ASH2L: variants seen among roughly 807,000 people sequenced by gnomAD.
ASH2L encodes the protein set1/Ash2 histone methyltransferase complex subunit ASH2.
Under a neutral mutation model 81.1 loss-of-function variants are expected in ASH2L, and 30 were observed. The observed-to-expected ratio is 0.37, with a 90% confidence interval of 0.28 to 0.50. ASH2L has a LOEUF of 0.50. Among genes scored for constraint, ASH2L ranks in the 20% least tolerant of loss-of-function variants. ASH2L has a pLI of 0.95. For missense variants in ASH2L, 559 were observed against 792.1 expected, an observed-to-expected ratio of 0.71 and a Z score of 3.53; for synonymous variants, 273 against 279.9, an observed-to-expected ratio of 0.98 and a Z score of 0.24.
In ASH2L at chr8:38,120,618, T is replaced by TCCCCCCCCCCC. The variant is rs33928804; in HGVS notation, c.948-306_948-296dup. Among the ~76,000 whole-genome samples the TCCCCCCCCCCC allele has an allele frequency of 1.5e-3, 7 of 4,614 alleles. 3 individuals carry two copies. The highest frequency in any genetic ancestry group is 8.7e-3 in the Non-Finnish European group (5 of 574). 3.0% of individuals were successfully genotyped at this position (4,614 alleles called of 152,430 possible). A position where few individuals can be genotyped will look rare whatever the true frequency, so the allele number is the denominator to read the frequency against. On this transcript the variant is annotated intron_variant, in intron 9 of 15. Coordinates refer to ENST00000343823, the MANE Select transcript of ASH2L (RefSeq NM_004674.5). Reference sequence around the variant, plus strand: ...AATCACCCCCATTCCTCTCCTCCCTTCCCCCCCCCCCCCCCCCCGCATAAT... The same window carrying TCCCCCCCCCCC: ...AATCACCCCCATTCCTCTCCTCCCTTCCCCCCCCCCCCCCCCCCCCCCCCCCCCCGCATAAT...
Position 38,136,102 on chromosome 8 carries a change from A to ATT in ASH2L, c.1719+362_1719+363dup, listed in dbSNP as rs772313591. Among the ~76,000 whole-genome samples the ATT allele has an allele frequency of 6.5e-3, 635 of 97,848 alleles. 51 individuals are homozygous for ATT. The highest frequency in any genetic ancestry group is 0.016 in the African/African-American group (383 of 24,454). The allele number at this position is 97,848 out of a possible 152,430, so 64.2% of individuals were successfully genotyped here. On this transcript the variant is annotated intron_variant, in intron 14 of 15. Transcript: ENST00000343823. ...TTATTAGTCATTGTTGCTTACAATG[A>ATT]TTTTTTTTTTTTTTTTTTTTTTTTT...
chr8:38,136,167 G>C (rs1207146811), intron 14 of ASH2L, among the ~76,000 whole-genome samples: 1 of 125,090 alleles, frequency 8.0e-6, no homozygotes, highest in Non-Finnish European at 1.6e-5. Context: ...GCTCACCATA[G>C]CCTTGACCTC....
At chr8:38,138,680 A>C in intron 14 of ASH2L, 136 bp from the exon 15 acceptor site, 1 of 665,220 alleles carries the variant, frequency 1.5e-6, no homozygotes, top group South Asian at 1.9e-5. Flanking sequence ...GTAATATTTA[A>C]TATATATCTT....
chr8:38,136,102 ATTTTTTTTTT>A (rs772313591), intron 14 of ASH2L, among the ~76,000 whole-genome samples: 1 of 97,862 alleles, frequency 1.0e-5, no homozygotes, highest in African/African-American at 4.1e-5. Context: ...GCTTACAATG[ATTTTTTTTTT>A]TTTTTTTTTT....
chr8:38,136,976 C>T (rs558264570), intron 14 of ASH2L, among the ~76,000 whole-genome samples: 35 of 151,550 alleles, frequency 2.3e-4, no homozygotes, highest in Non-Finnish European at 4.9e-4. Flanking sequence ...GCCTATAATC[C>T]CAGCTGTGGG....
chr8:38,121,331 A>ATTTATT lies in ASH2L; in HGVS notation c.1165+187_1165+188insTTTTAT, dbSNP rs1482333991. ...CCTTCCTATAAGCTCCAGCCGTTTT[A>ATTTATT]TTTATATATATATATATATATATAT... On this transcript the variant is annotated intron_variant, in intron 10 of 15. Transcript: ENST00000343823. Among the ~76,000 whole-genome samples the ATTTATT allele has an allele frequency of 2.6e-3, 27 of 10,408 alleles. 1 individual carries two copies. Among genetic ancestry groups the ATTTATT allele is most frequent in the African/African-American group, 7.3e-3 (27 of 3,712 alleles). 6.8% of individuals were successfully genotyped at this position (10,408 alleles called of 152,430 possible). A position where few individuals can be genotyped will look rare whatever the true frequency, so the allele number is the denominator to read the frequency against.
At chr8:38,106,801 G>A (rs1360530685) in intron 2 of ASH2L, among the ~76,000 whole-genome samples, 2 of 141,030 alleles carry the variant, frequency 1.4e-5, no homozygotes, top group Admixed American at 7.0e-5. Context: ...GTGAGCCACC[G>A]CGCCCGGCCT....
rs1801957406 is a variant in ASH2L at position 38,128,965 on chromosome 8, C to G, written c.1527+14C>G. On this transcript the variant is annotated intron_variant, in intron 12 of 15. Coordinates refer to ENST00000343823, the MANE Select transcript of ASH2L (RefSeq NM_004674.5). ...TACAAAGATAAGGTGAGTTTGTCCT[C>G]TCCCGGCAGATTCCTGGCTTTGAAG... The G allele has an allele frequency of 6.2e-7, 1 of 1,605,466 alleles. No homozygotes were observed. Among genetic ancestry groups the G allele is most frequent in the Non-Finnish European group, 8.5e-7 (1 of 1,176,322 alleles).
intron 12 of ASH2L, among the ~76,000 whole-genome samples, chr8:38,133,023 G>A (rs886466482): frequency 3.3e-5 from 5 of 151,590 alleles, no homozygotes; most frequent in Non-Finnish European, 5.9e-5. Flanking sequence ...GGAGGCGGAG[G>A]TTGCAGTGAG....
rs904565280 is a variant in ASH2L, at chr8:38,139,212, C to T, written c.*141C>T. The stretch of plus-strand genomic sequence containing the variant: ...TAGCAAGTTAAAAGGCTGGGTAGGA[C>T]TGCGGGAGACTGCCTGCCTTTCACC... On this transcript the variant is annotated 3_prime_UTR_variant, in exon 16 of 16. Transcript: ENST00000343823. 1 of 630,398 alleles carries T rather than the reference C, an allele frequency of 1.6e-6. No individual in the cohort carries two copies. The highest frequency in any genetic ancestry group is 2.7e-6 in the Non-Finnish European group (1 of 371,726). The allele number at this position is 630,398 out of a possible 1,614,324, so 39.1% of individuals were successfully genotyped here.
In ASH2L at chr8:38,116,786, A is replaced by T. The variant is rs1585577673; in HGVS notation, c.853+61A>T. The stretch of plus-strand genomic sequence containing the variant: ...GAAGCTATTGAATCCAGTTGTGCCT[A>T]GAACTGGCCATTCTTTGGGTTGACC... On this transcript the variant is annotated intron_variant, in intron 8 of 15. Coordinates refer to ENST00000343823, the MANE Select transcript of ASH2L (RefSeq NM_004674.5). The T allele has an allele frequency of 4.3e-6, 6 of 1,395,144 alleles. No individual in the cohort carries two copies. In the Admixed American group the frequency reaches 1.0e-4, roughly 23 times the overall value. The allele number at this position is 1,395,144 out of a possible 1,614,324, so 86.4% of individuals were successfully genotyped here. A position where few individuals can be genotyped will look rare whatever the true frequency, so the allele number is the denominator to read the frequency against.
At chr8:38,124,723 A>G (rs980654993) in intron 10 of ASH2L, 3 of 152,264 alleles carry the variant, frequency 2.0e-5, no homozygotes, top group African/African-American at 7.2e-5. Context: ...CTTATCTCAC[A>G]TAATGGCCTG....
intron 12 of ASH2L, among the ~76,000 whole-genome samples, chr8:38,132,371 A>G (rs554913722): frequency 2.6e-5 from 4 of 152,350 alleles, no homozygotes; most frequent in Non-Finnish European, 5.9e-5. Context: ...TTAATGTCAT[A>G]TATTTCTCTG....
rs989786690 is a variant in ASH2L, at chr8:38,107,102, G to T, written c.337G>T (p.Val113Leu). Residue 113 changes from valine (V) to leucine (L), a missense_variant, in exon 3 of 16, where the codon GTA becomes TTA. Physicochemically the swap from Val to Leu is conservative, Grantham distance 32 (BLOSUM62 1). Coordinates refer to ENST00000343823, the MANE Select transcript of ASH2L (RefSeq NM_004674.5). The part of the protein sequence containing the change: ...DEENGRQLGE[V>L]ELQCGICTKW... ...AGAGAATGGCCGACAGTTGGGTGAG[G>T]TAGAGCTGCAATGTGGGATTTGTAC... 1 of 1,614,178 alleles carries T rather than the reference G, an allele frequency of 6.2e-7. No individual in the cohort carries two copies.
At chr8:38,137,331 G>C (rs1365899353) in intron 14 of ASH2L, among the ~76,000 whole-genome samples, 1 of 150,706 alleles carries the variant, frequency 6.6e-6, no homozygotes, top group Non-Finnish European at 1.5e-5. Context: ...CCGATCATGA[G>C]GTCAGGAGAT....
intron 10 of ASH2L, chr8:38,122,251 C>A (rs551045805): frequency 6.6e-6 from 1 of 152,024 alleles, no homozygotes; most frequent in South Asian, 2.1e-4. Flanking sequence ...AAAAAAATTT[C>A]TTTACTTTGA....
chr8:38,129,483 T>G (rs922855005), intron 12 of ASH2L, among the ~76,000 whole-genome samples: 18 of 152,068 alleles, frequency 1.2e-4, no homozygotes, highest in Non-Finnish European at 4.4e-5. Context: ...ACTAAAAAAG[T>G]GCCGATAGTC....
At chr8:38,132,570 G>A (rs948380901) in intron 12 of ASH2L, among the ~76,000 whole-genome samples, 12 of 152,012 alleles carry the variant, frequency 7.9e-5, no homozygotes, top group Admixed American at 1.3e-4. Context: ...AGGCTGAGGC[G>A]GGTGGATCAC....
chr8:38,121,338 TATATATATATATATATATATATATA>T lies in ASH2L; in HGVS notation c.1165+190_1165+214del, dbSNP rs1811139106. On this transcript the variant is annotated intron_variant, in intron 10 of 15. Transcript: ENST00000343823. ...ATAAGCTCCAGCCGTTTTATTTATA[TATATATATATATATATATATATATA>T]TATATATATATATATGGTTTTTTAA... Among the ~76,000 whole-genome samples the T allele has an allele frequency of 1.1e-4, 12 of 112,920 alleles. 1 individual carries two copies. The highest frequency in any genetic ancestry group is 5.9e-4 in the South Asian group (2 of 3,374). The allele number at this position is 112,920 out of a possible 152,430, so 74.1% of individuals were successfully genotyped here.
Sources: allele counts gnomAD v4.1 joint callset (sites outside exome capture counted in the v4.1 genomes callset), GRCh38; gene constraint gnomAD v4.1.1; transcripts MANE v1.5; gene names NCBI Gene and HGNC (gene_info 2026-07-23, HGNC 2026-07-21).